ENOX1: variants seen among roughly 807,000 people sequenced by gnomAD.
ENOX1 encodes the protein candidate growth-related and time keeping constitutive hydroquinone (NADH) oxidase.
Under a neutral mutation model 82.5 loss-of-function variants are expected in ENOX1, and 42 were observed. The observed-to-expected ratio is 0.51, with a 90% CI of 0.40 to 0.66. The LOEUF (loss-of-function observed/expected upper bound fraction) is 0.66, where lower values mean the gene tolerates loss of function less well. Ranked by LOEUF, ENOX1 falls within the 30% of genes least tolerant of loss-of-function variation. The pLI, the probability that ENOX1 is intolerant of heterozygous loss-of-function variation, is 0.00. For missense variants in ENOX1, 608 were observed against 811.6 expected (o/e 0.75, Z 3.05); for synonymous variants, 271 against 282.2 (o/e 0.96, Z 0.40).
intron 1 of ENOX1, among the ~76,000 whole-genome samples, chr13:43,753,152 G>T (rs1330642581): frequency 6.6e-6 from 1 of 152,070 alleles, no homozygotes; most frequent in Non-Finnish European, 1.5e-5. Context: ...GAGCCACCAC[G>T]CCCGGCCTCA....
intron 2 of ENOX1, among the ~76,000 whole-genome samples, chr13:43,652,027 A>G (rs990139554): frequency 6.6e-6 from 1 of 151,234 alleles, no homozygotes; most frequent in African/African-American, 2.4e-5. Flanking sequence ...TGTTATATCT[A>G]TTCTGTAAGT....
intron 2 of ENOX1, among the ~76,000 whole-genome samples, chr13:43,629,151 T>C (rs1249963542): frequency 1.3e-4 from 20 of 152,192 alleles, no homozygotes; most frequent in Admixed American, 1.2e-3. Context: ...CACAGGAGAA[T>C]AGTTATAGCC....
Position 43,344,681 on chromosome 13 carries a change from C to T in ENOX1, c.893G>A (p.Arg298His), listed in dbSNP as rs2049273602. The T allele has an allele frequency of 1.6e-5, 26 of 1,614,128 alleles. No homozygotes were observed. The Middle Eastern group carries it at 4.9e-4, about 31-fold the overall frequency. Residue 298 changes from arginine to histidine, a missense_variant, in exon 9 of 17, where the codon CGC becomes CAC. By Grantham distance (29) the Arg-to-His change is conservative. Coordinates refer to ENST00000690772, the MANE Select transcript of ENOX1 (RefSeq NM_001347969.2). ...SWIERGEVNR[R>H]SANQFYSMVQ... Reference sequence around the variant, plus strand: ...CATGGAATAGAACTGGTTTGCAGAGCGCCGATTCACTTCCCCTCGTTCAAT... The same window carrying T: ...CATGGAATAGAACTGGTTTGCAGAGTGCCGATTCACTTCCCCTCGTTCAAT...
At chr13:43,465,407 G>A (rs1398730198) in intron 3 of ENOX1, among the ~76,000 whole-genome samples, 1 of 152,084 alleles carries the variant, frequency 6.6e-6, no homozygotes, top group African/African-American at 2.4e-5. Flanking sequence ...ATTGGTTCCT[G>A]TATGCCTTTC....
rs573160004 is a variant in ENOX1 at position 43,425,312 on chromosome 13, G to GT, written c.-74-12325_-74-12324insA. ...AAGAGATGAGAGAATAAATGCTGAT[G>GT]GAAAGGCTCCAGCTCTGAAGGCAAA... is the stretch of plus-strand genomic sequence containing the variant. On this transcript the variant is annotated intron_variant, in intron 3 of 16. Transcript: ENST00000690772. Among the ~76,000 whole-genome samples the GT allele has an allele frequency of 3.3e-5, 5 of 152,200 alleles. No individual in the cohort carries two copies. The South Asian group carries it at 1.0e-3, about 32-fold the overall frequency.
chr13:43,247,848 TATATATATATATATATATATATATATA>T (rs1566328647), intron 14 of ENOX1, among the ~76,000 whole-genome samples: 38 of 1,892 alleles, frequency 0.02, 3 homozygotes, highest in East Asian at 0.11. Context: ...TATATATATA[TATATATATATATATATATATATATATA>T]TATATATATT....
At chr13:43,627,688 C>T (rs1176877814) in intron 2 of ENOX1, among the ~76,000 whole-genome samples, 1 of 152,044 alleles carries the variant, frequency 6.6e-6, no homozygotes, top group Non-Finnish European at 1.5e-5. Flanking sequence ...CATGTTTACA[C>T]ATGCTTTTGT....
chr13:43,490,880 CCTT>C (rs2076595408), intron 2 of ENOX1, among the ~76,000 whole-genome samples: 1 of 152,208 alleles, frequency 6.6e-6, no homozygotes, highest in South Asian at 2.1e-4. Flanking sequence ...AATACAGTAT[CCTT>C]CTTTATCCCT....
In ENOX1 at chr13:43,544,993, T is replaced by C. The variant is rs144408918; in HGVS notation, c.-218-60841A>G. 288 of 152,348 alleles carry C rather than the reference T, an allele frequency of 1.9e-3. 2 individuals carry two copies. The highest frequency in any genetic ancestry group is 6.7e-3 in the African/African-American group (277 of 41,570). The allele number at this position is 152,348 out of a possible 1,614,324, so 9.4% of individuals were successfully genotyped here. A position where few individuals can be genotyped will look rare whatever the true frequency, so the allele number is the denominator to read the frequency against. The stretch of plus-strand genomic sequence containing the variant: ...TACTTATTTTCTTTCAAAAACTTCC[T>C]TTCTTCTGCTCCCATTTATACATAA... On this transcript the variant is annotated intron_variant, in intron 2 of 16. Transcript: ENST00000690772.
At position 43,786,440 on chromosome 13, in the gene ENOX1, G is replaced by A. The variant is rs907927356; in HGVS notation, c.-285+212C>T. ...CGTAAAAGTGAGGGAGCTTGAGACG[G>A]GGCACGGCGGGGAAGGGCGTGGGGG... is the stretch of plus-strand genomic sequence containing the variant. On this transcript the variant is annotated intron_variant, in intron 1 of 16. Transcript: ENST00000690772. This position sits in a 1 kb window ranked among gnomAD's most constrained non-coding sequence, Gnocchi z 6.0. Among the ~76,000 whole-genome samples, 1 of 151,748 alleles carries A rather than the reference G, an allele frequency of 6.6e-6. No homozygotes were observed. The highest frequency in any genetic ancestry group is 2.4e-5 in the African/African-American group (1 of 41,330).
intron 2 of ENOX1, among the ~76,000 whole-genome samples, chr13:43,659,740 C>T (rs1206627029): frequency 1.3e-5 from 2 of 152,056 alleles, no homozygotes; most frequent in Non-Finnish European, 2.9e-5. Flanking sequence ...TCCCTGATAT[C>T]AGTATCCTTG....
At chr13:43,502,827 A>T (rs910007597) in intron 2 of ENOX1, among the ~76,000 whole-genome samples, 3 of 151,566 alleles carry the variant, frequency 2.0e-5, no homozygotes, top group Admixed American at 6.6e-5. Context: ...TTTCTATTCA[A>T]ATGAGTACTG....
At chr13:43,487,025 G>T (rs887394057) in intron 2 of ENOX1, among the ~76,000 whole-genome samples, 4 of 152,136 alleles carry the variant, frequency 2.6e-5, no homozygotes, top group African/African-American at 9.7e-5. Context: ...ACAAAAATTA[G>T]CCAGGTATGG....
intron 2 of ENOX1, among the ~76,000 whole-genome samples, chr13:43,607,133 G>T (rs1319139095): frequency 6.6e-6 from 1 of 152,080 alleles, no homozygotes; most frequent in African/African-American, 2.4e-5. Context: ...AATGATAAAT[G>T]CTTGAAGAGA....
intron 1 of ENOX1, among the ~76,000 whole-genome samples, chr13:43,671,638 C>A (rs192430326): frequency 1.2e-4 from 19 of 152,266 alleles, no homozygotes; most frequent in African/African-American, 4.3e-4. Flanking sequence ...CAGCCCACTA[C>A]GATTTCCGAG....
intron 3 of ENOX1, among the ~76,000 whole-genome samples, chr13:43,481,511 C>T (rs1477324857): frequency 6.6e-6 from 1 of 152,058 alleles, no homozygotes; most frequent in Non-Finnish European, 1.5e-5. Context: ...CCAAAACCAA[C>T]CCAAAATGAA....
intron 3 of ENOX1, among the ~76,000 whole-genome samples, chr13:43,439,080 T>G (rs547047360): frequency 7.4e-5 from 11 of 149,158 alleles, no homozygotes; most frequent in Non-Finnish European, 1.6e-4. Flanking sequence ...TTCATGCTTA[T>G]TGCCCAAGCT....
intron 2 of ENOX1, among the ~76,000 whole-genome samples, chr13:43,608,719 T>C (rs2082073887): frequency 6.6e-6 from 1 of 152,138 alleles, no homozygotes; most frequent in African/African-American, 2.4e-5. Flanking sequence ...TCTTTTCCCT[T>C]TTTCCTCCCA....
At chr13:43,368,207 G>A (rs116346783) in intron 5 of ENOX1, among the ~76,000 whole-genome samples, 5 of 152,160 alleles carry the variant, frequency 3.3e-5, no homozygotes, top group Admixed American at 6.5e-5. Flanking sequence ...GGTGCCTGCC[G>A]TGCACACTTT....
Sources: gnomAD v4.1 joint callset for allele counts (sites outside exome capture counted in the v4.1 genomes callset) on GRCh38, gnomAD v4.1.1 for gene constraint, Gnocchi (gnomAD v3.1) non-coding constraint, MANE v1.5 for transcripts, NCBI Gene and HGNC (gene_info 2026-07-23, HGNC 2026-07-21) for gene names.